Variants in SORBS2 observed in about 807,000 individuals in gnomAD.
SORBS2 encodes sorbin and SH3 domain-containing protein 2.
Under a neutral mutation model 97.7 loss-of-function variants are expected in SORBS2, and 46 were observed. The observed-to-expected ratio is 0.47, with a 90% CI of 0.37 to 0.60. The LOEUF (loss-of-function observed/expected upper bound fraction) is 0.60. SORBS2 is among the 20% of genes least tolerant of loss of function. The pLI is 0.00. For synonymous variants in SORBS2, 476 were observed against 473.4 expected (o/e 1.01, Z -0.07); for missense variants, 1,316 against 1,282.3 (o/e 1.03, Z -0.40).
rs114169433 is a variant in SORBS2 at position 185,668,207 on chromosome 4, G to A, written c.-45-5965C>T. 7.8e-3 allele frequency among the ~76,000 whole-genome samples: 1,186 copies of A among 152,294 alleles called. 16 individuals carry two copies. The highest frequency in any genetic ancestry group is 0.032 in the Admixed American group (493 of 15,292). On this transcript the variant is annotated intron_variant, in intron 4 of 20. Coordinates refer to the SORBS2 transcript ENST00000284776. ...CTTGAAACATGTCAAAAGCTAAAGC[G>A]TATTCTAAAATCACCATTGTCACGG...
At chr4:185,860,110 T>C (rs1430702985) in intron 1 of SORBS2, among the ~76,000 whole-genome samples, 1 of 152,066 alleles carries the variant, frequency 6.6e-6, no homozygotes, top group Non-Finnish European at 1.5e-5. Flanking sequence ...TTCCACTACA[T>C]ACGAAAAAGG....
intron 2 of SORBS2, among the ~76,000 whole-genome samples, chr4:185,750,678 T>C (rs1269525644): frequency 6.6e-6 from 1 of 152,206 alleles, no homozygotes; most frequent in African/African-American, 2.4e-5. Context: ...AAACAAACAA[T>C]AACTTTCAAC....
intron 2 of SORBS2, among the ~76,000 whole-genome samples, chr4:185,651,131 T>A (rs765923379): frequency 9.9e-5 from 15 of 152,168 alleles, no homozygotes; most frequent in Admixed American, 7.9e-4. Flanking sequence ...AGAGGAGCCC[T>A]GGGCAGAATC....
chr4:185,885,277 C>T (rs774779295), intron 1 of SORBS2, among the ~76,000 whole-genome samples: 40 of 152,338 alleles, frequency 2.6e-4, no homozygotes, highest in Middle Eastern at 3.4e-3. Flanking sequence ...AGGAAAAGCC[C>T]GCTCTTGTGC....
chr4:185,729,384 G>A (rs1307901028), intron 2 of SORBS2, among the ~76,000 whole-genome samples: 1 of 152,162 alleles, frequency 6.6e-6, no homozygotes, highest in African/African-American at 2.4e-5. Flanking sequence ...TATAGACAGG[G>A]TTTCCATCCG....
chr4:185,779,005 G>A (rs995845945), intron 1 of SORBS2, among the ~76,000 whole-genome samples: 2 of 152,128 alleles, frequency 1.3e-5, no homozygotes, highest in African/African-American at 4.8e-5. Flanking sequence ...ATTTTCAGGC[G>A]GCACCTGAGC....
intron 2 of SORBS2, among the ~76,000 whole-genome samples, chr4:185,760,211 T>G (rs896178940): frequency 4.6e-5 from 7 of 152,236 alleles, no homozygotes; most frequent in Non-Finnish European, 8.8e-5. Context: ...ATTATTTAAT[T>G]ACTCTCCATG....
intron 1 of SORBS2, among the ~76,000 whole-genome samples, chr4:185,947,734 C>G (rs2099275220): frequency 6.6e-6 from 1 of 152,144 alleles, no homozygotes; most frequent in Non-Finnish European, 1.5e-5. Flanking sequence ...TCTCAGCCTT[C>G]CAAGTAGCTG....
intron 3 of SORBS2, among the ~76,000 whole-genome samples, chr4:185,648,788 A>G (rs780582835): frequency 5.9e-5 from 9 of 152,160 alleles, no homozygotes; most frequent in Non-Finnish European, 1.3e-4. Flanking sequence ...TAAAATAGAA[A>G]GTATCTCACT....
Position 185,606,643 on chromosome 4 carries a change from G to A in SORBS2, c.2796+5137C>T, listed in dbSNP as rs913249298. 76 of 985,146 alleles carry A rather than the reference G, an allele frequency of 7.7e-5. No homozygotes were observed. The highest frequency in any genetic ancestry group is 9.0e-5 in the Non-Finnish European group (75 of 829,890). The allele number at this position is 985,146 out of a possible 1,614,324, so 61.0% of individuals were successfully genotyped here. On this transcript the variant is annotated intron_variant, in intron 12 of 14. Coordinates refer to ENST00000418609, the Ensembl canonical transcript of SORBS2. This position sits in a 1 kb window ranked among gnomAD's most constrained non-coding sequence, Gnocchi z 4.3. ...CTTGGGGGTCCTAGGATCTGTGGGG[G>A]TGGCTATGGGGTGTTTTAGGCAGTT...
intron 1 of SORBS2, among the ~76,000 whole-genome samples, chr4:185,837,996 C>T (rs1395915469): frequency 6.6e-6 from 1 of 152,216 alleles, no homozygotes; most frequent in Non-Finnish European, 1.5e-5. Context: ...CCTTCCATTT[C>T]CTCTGGTCTG....
intron 4 of SORBS2, among the ~76,000 whole-genome samples, chr4:185,664,799 T>G (rs2153478044): frequency 6.6e-6 from 1 of 152,276 alleles, no homozygotes; most frequent in South Asian, 2.1e-4. Context: ...TGATAGAACA[T>G]AAAACAATGT....
chr4:185,635,697 C>T lies in SORBS2; in HGVS notation c.397-5099G>A, dbSNP rs145571836. Among the ~76,000 whole-genome samples the T allele has an allele frequency of 3.9e-5, 6 of 152,100 alleles. No individual in the cohort carries two copies. In the East Asian group the frequency reaches 1.2e-3, roughly 29 times the overall value. ...TTCATTAGCACTCCTAGTCTCTGGCCACAGAGGAATGCAAGGTAAATTAAA... is the reference window on the plus strand; with the variant it reads ...TTCATTAGCACTCCTAGTCTCTGGCTACAGAGGAATGCAAGGTAAATTAAA... On this transcript the variant is annotated intron_variant, in intron 4 of 14. Coordinates refer to ENST00000418609, the Ensembl canonical transcript of SORBS2.
intron 2 of SORBS2, among the ~76,000 whole-genome samples, chr4:185,753,331 G>A (rs1044138387): frequency 2.0e-5 from 3 of 152,078 alleles, no homozygotes; most frequent in Admixed American, 6.6e-5. Context: ...AGATAGATGC[G>A]GCTAGAAAGT....
At chr4:185,648,363 G>T (rs1042853850) in intron 3 of SORBS2, among the ~76,000 whole-genome samples, 1 of 151,988 alleles carries the variant, frequency 6.6e-6, no homozygotes, top group African/African-American at 2.4e-5. Context: ...TTAGCCGGGC[G>T]TGGTGGCTGG....
At chr4:185,825,190 T>G (rs2099199086) in intron 1 of SORBS2, among the ~76,000 whole-genome samples, 1 of 134,320 alleles carries the variant, frequency 7.4e-6, no homozygotes, top group Non-Finnish European at 1.6e-5. Flanking sequence ...TATCTTTATT[T>G]GTTCATTTTG....
chr4:185,746,140 A>T (rs768533135), intron 2 of SORBS2, among the ~76,000 whole-genome samples: 4 of 152,258 alleles, frequency 2.6e-5, no homozygotes, highest in Non-Finnish European at 5.9e-5. Flanking sequence ...CGCCTCTGGG[A>T]CTTGAAAGGT....
At chr4:185,847,145 G>T (rs1472702928) in intron 1 of SORBS2, among the ~76,000 whole-genome samples, 2 of 152,298 alleles carry the variant, frequency 1.3e-5, no homozygotes, top group East Asian at 3.9e-4. Context: ...CAGATTCAGT[G>T]TTGATAGAGT....
intron 1 of SORBS2, among the ~76,000 whole-genome samples, chr4:185,938,961 C>G (rs910514438): frequency 3.3e-5 from 5 of 152,190 alleles, no homozygotes; most frequent in African/African-American, 1.2e-4. Context: ...AAAGACATCA[C>G]TACGCGGCTC....
Sources: allele counts gnomAD v4.1 joint callset (sites outside exome capture counted in the v4.1 genomes callset), GRCh38; gene constraint gnomAD v4.1.1; non-coding constraint Gnocchi (gnomAD v3.1); transcripts MANE v1.5; gene names NCBI Gene and HGNC (gene_info 2026-07-23, HGNC 2026-07-21).